PRKN: variants seen among roughly 807,000 people sequenced by gnomAD.
The protein encoded by PRKN is E3 ubiquitin-protein ligase parkin.
PRKN carries 56 observed loss-of-function variants against 59.5 expected under a neutral mutation model. That is an observed-to-expected ratio of 0.94 (90% CI 0.76 to 1.18). PRKN has a LOEUF of 1.18. Among genes scored for constraint, PRKN ranks in the 50% most tolerant of loss-of-function variants. The probability of loss-of-function intolerance (pLI) is 0.00; values close to 1 mark genes in which losing one functional copy is unlikely to be tolerated. For synonymous variants in PRKN, 250 were observed against 222.1 expected (o/e 1.13, Z -1.12); for missense variants, 657 against 596.4 (o/e 1.10, Z -1.06).
intron 1 of PRKN, among the ~76,000 whole-genome samples, chr6:162,717,298 T>C (rs961369060): frequency 1.3e-5 from 2 of 152,070 alleles, no homozygotes; most frequent in African/African-American, 4.8e-5. Flanking sequence ...ACTTTGGGGC[T>C]GGGCACAGTG....
chr6:161,853,301 T>C (rs937228920), intron 6 of PRKN, among the ~76,000 whole-genome samples: 8 of 152,242 alleles, frequency 5.3e-5, no homozygotes, highest in African/African-American at 1.9e-4. Flanking sequence ...TGTAGTTTTC[T>C]GAATACAATT....
intron 6 of PRKN, among the ~76,000 whole-genome samples, chr6:161,891,694 AG>A (rs1321701594): frequency 1.3e-5 from 2 of 152,210 alleles, no homozygotes; most frequent in Non-Finnish European, 2.9e-5. Context: ...GCATATCTAC[AG>A]GGGGTAAGAC....
At chr6:162,144,497 A>C (rs996064936) in intron 4 of PRKN, among the ~76,000 whole-genome samples, 1 of 152,320 alleles carries the variant, frequency 6.6e-6, no homozygotes, top group Admixed American at 6.5e-5. Context: ...TGCTGTCAGA[A>C]GATCAGCTGG....
intron 5 of PRKN, among the ~76,000 whole-genome samples, chr6:162,037,498 T>C (rs1054540288): frequency 1.3e-5 from 2 of 151,850 alleles, no homozygotes; most frequent in Non-Finnish European, 2.9e-5. Flanking sequence ...CCAGTGTTAA[T>C]AGTGATTATC....
At chr6:162,651,928 A>C (rs1778455454) in intron 1 of PRKN, among the ~76,000 whole-genome samples, 1 of 152,234 alleles carries the variant, frequency 6.6e-6, no homozygotes, top group Non-Finnish European at 1.5e-5. Flanking sequence ...TTTCATATGC[A>C]TAATGTGGGC....
At chr6:162,439,088 G>C (rs1789925204) in intron 2 of PRKN, among the ~76,000 whole-genome samples, 3 of 152,100 alleles carry the variant, frequency 2.0e-5, no homozygotes, top group Admixed American at 6.6e-5. Flanking sequence ...CCATCAGTGA[G>C]TGTTTTATTT....
chr6:161,879,661 A>G (rs1199724367), intron 6 of PRKN, among the ~76,000 whole-genome samples: 1 of 152,124 alleles, frequency 6.6e-6, no homozygotes, highest in Non-Finnish European at 1.5e-5. Context: ...TGATATTTCT[A>G]TGAAATTGAA....
chr6:162,025,379 A>T (rs1310589113), intron 5 of PRKN, among the ~76,000 whole-genome samples: 1 of 152,048 alleles, frequency 6.6e-6, no homozygotes, highest in African/African-American at 2.4e-5. Context: ...CAAATCTGCA[A>T]AGGTACTTTT....
chr6:161,789,468 C>A (rs545901439), intron 6 of PRKN, among the ~76,000 whole-genome samples: 2 of 152,316 alleles, frequency 1.3e-5, no homozygotes, highest in South Asian at 4.1e-4. Flanking sequence ...TAGATGCATG[C>A]TCTTTGCCAT....
intron 1 of PRKN, among the ~76,000 whole-genome samples, chr6:162,510,415 T>C (rs546120639): frequency 6.6e-6 from 1 of 152,246 alleles, no homozygotes; most frequent in East Asian, 1.9e-4. Context: ...CACTCCTAGG[T>C]AAGTCTGGCC....
intron 6 of PRKN, among the ~76,000 whole-genome samples, chr6:161,961,222 A>G (rs971897944): frequency 3.9e-5 from 6 of 152,176 alleles, no homozygotes; most frequent in African/African-American, 1.2e-4. Context: ...CAGAGAAGGA[A>G]TCTAATGTGG....
In PRKN at chr6:161,395,628, T is replaced by C. The variant is rs4371833; in HGVS notation, c.1084-8751A>G. On this transcript the variant is annotated intron_variant, in intron 9 of 11. Transcript: ENST00000366898. This position sits in a 1 kb window ranked among gnomAD's most constrained non-coding sequence, Gnocchi z 5.0. ...CACGCTGTGGTCTCAACCACCGCCT[T>C]TGTCAAGCTGCTTTAAAAGAATATC... Among the ~76,000 whole-genome samples, 22,905 of 152,214 alleles carry C rather than the reference T, an allele frequency of 0.15. 1,942 individuals are homozygous for C. The highest frequency in any genetic ancestry group is 0.22 in the Middle Eastern group (65 of 292).
rs1790054519 is a variant in PRKN, at chr6:161,458,162, G to C, written c.1084-71285C>G. On this transcript the variant is annotated intron_variant, in intron 9 of 11. Coordinates refer to ENST00000366898, the MANE Select transcript of PRKN (RefSeq NM_004562.3). This position sits in a 1 kb window ranked among gnomAD's most constrained non-coding sequence, Gnocchi z 6.1. ...GGTAGCCTCCTTTAAGAAAACCTTT[G>C]GGTTTGACAGAACATAAATAAATCT... is the stretch of plus-strand genomic sequence containing the variant. Among the ~76,000 whole-genome samples the C allele has an allele frequency of 6.6e-6, 1 of 152,162 alleles. No individual in the cohort carries two copies. The highest frequency in any genetic ancestry group is 1.5e-5 in the Non-Finnish European group (1 of 68,038).
chr6:162,033,793 T>G (rs1159314513), intron 5 of PRKN, among the ~76,000 whole-genome samples: 2 of 152,366 alleles, frequency 1.3e-5, no homozygotes, highest in East Asian at 3.9e-4. Context: ...CTCATTTAAC[T>G]GTTCATTGTG....
At chr6:162,386,811 T>TTTTATAG (rs1461232791) in intron 2 of PRKN, among the ~76,000 whole-genome samples, 2 of 152,232 alleles carry the variant, frequency 1.3e-5, no homozygotes, top group East Asian at 3.8e-4. Flanking sequence ...TAAAATATGA[T>TTTTATAG]TTTATAGTTT....
chr6:161,619,972 C>G (rs1782832161), intron 7 of PRKN, among the ~76,000 whole-genome samples: 1 of 141,630 alleles, frequency 7.1e-6, no homozygotes, highest in South Asian at 2.3e-4. Context: ...ATAATTGGTA[C>G]ACATTATTCT....
intron 6 of PRKN, among the ~76,000 whole-genome samples, chr6:161,962,238 C>T (rs751264006): frequency 3.3e-5 from 5 of 152,318 alleles, no homozygotes; most frequent in African/African-American, 7.2e-5. Flanking sequence ...CATATTAGTG[C>T]TAATCACTAA....
At chr6:161,781,399 C>T (rs535914886) in intron 7 of PRKN, among the ~76,000 whole-genome samples, 139 of 152,286 alleles carry the variant, frequency 9.1e-4, no homozygotes, top group African/African-American at 3.1e-3. Flanking sequence ...ATCCCTGCCT[C>T]ACTCCCTATT....
chr6:161,350,147 G>GCCGCGGTT lies in PRKN; in HGVS notation c.1349_1350insAACCGCGG (p.Cys451ThrfsTer193). ...CCATGCAGACGCGGTTCCACTCGCA[G>GCCGCGGTT]CCACAGTTCCAGCACCACTCGAGCC... is the stretch of plus-strand genomic sequence containing the variant. On this transcript the variant is annotated frameshift_variant, in exon 12 of 12. Transcript: ENST00000366898. LOFTEE classifies it high-confidence loss of function. 1 of 1,613,536 alleles carries GCCGCGGTT rather than the reference G, an allele frequency of 6.2e-7. No individual in the cohort carries two copies.
Sources: allele counts gnomAD v4.1 joint callset (sites outside exome capture counted in the v4.1 genomes callset), GRCh38; gene constraint gnomAD v4.1.1; non-coding constraint Gnocchi (gnomAD v3.1); transcripts MANE v1.5; gene names NCBI Gene and HGNC (gene_info 2026-07-23, HGNC 2026-07-21).